The following LTN1 variants were observed in gnomAD, a reference collection of about 807,000 sequenced individuals.
The protein encoded by LTN1 is E3 ubiquitin-protein ligase listerin.
Under a neutral mutation model 201.2 loss-of-function variants are expected in LTN1, and 88 were observed. That is an observed-to-expected ratio of 0.44 (90% CI 0.37 to 0.52). LTN1 has a LOEUF of 0.52. Among genes scored for constraint, LTN1 ranks in the 20% least tolerant of loss-of-function variants. The pLI is 0.00. For synonymous variants in LTN1, 645 were observed against 713.5 expected (o/e 0.90, Z 1.53); for missense variants, 1,752 against 2,038.7 (o/e 0.86, Z 2.71).
chr21:28,971,786 T>C (rs2084577297), intron 6 of LTN1, among the ~76,000 whole-genome samples: 1 of 152,092 alleles, frequency 6.6e-6, no homozygotes, highest in South Asian at 2.1e-4. Flanking sequence ...AAATAAAAGA[T>C]CTGAGACTTT....
intron 24 of LTN1, among the ~76,000 whole-genome samples, chr21:28,942,138 G>C (rs1289702958): frequency 1.3e-5 from 2 of 151,920 alleles, no homozygotes; most frequent in Non-Finnish European, 2.9e-5. Flanking sequence ...CCTTCTCCCA[G>C]CCCACAAGTA....
Position 28,992,781 on chromosome 21 carries a change from T to C in LTN1, c.25A>G (p.Thr9Ala), listed in dbSNP as rs376952343. 1 of 1,614,224 alleles carries C rather than the reference T, an allele frequency of 6.2e-7. No individual in the cohort carries two copies. The highest frequency in any genetic ancestry group is 1.1e-5 in the South Asian group (1 of 91,090). ...CCGCTCACCCTCAGGTTCCCTTTAG[T>C]TCGCTGCTTGTTCTTCCCGCCCATG... The part of the protein sequence containing the change: MGGKNKQR[T>A]KGNLRPSNSG... The change falls in exon 1 of 30, where the codon ACT becomes GCT. Residue 9 changes from threonine to alanine, a missense_variant. Thr to Ala is a moderately conservative substitution (Grantham distance 58). Transcript: ENST00000361371.
chr21:28,940,745 G>A (rs1046520067), intron 25 of LTN1, among the ~76,000 whole-genome samples: 2 of 152,170 alleles, frequency 1.3e-5, no homozygotes, highest in African/African-American at 4.8e-5. Flanking sequence ...GGAAGGTAAG[G>A]TATAAGGGAC....
chr21:28,973,346 C>CAAAAAA (rs771261669), intron 6 of LTN1, among the ~76,000 whole-genome samples: 3 of 61,754 alleles, frequency 4.9e-5, no homozygotes, highest in East Asian at 4.7e-4. Context: ...GAATCCGTCC[C>CAAAAAA]AAAAAAAAAA....
chr21:28,937,770 G>A (rs898614337), intron 25 of LTN1, among the ~76,000 whole-genome samples: 5 of 152,044 alleles, frequency 3.3e-5, no homozygotes, highest in Non-Finnish European at 5.9e-5. Flanking sequence ...TCGGATCTGG[G>A]ATGCTCAACC....
intron 5 of LTN1, 121 bp from the exon 6 acceptor site, chr21:28,981,420 T>C: frequency 1.9e-6 from 1 of 533,396 alleles, no homozygotes; most frequent in Non-Finnish European, 3.1e-6. Context: ...ATTTCTATCT[T>C]CTATTTCCCC....
chr21:28,982,469 T>C (rs941222489), intron 4 of LTN1, 101 bp from the exon 5 acceptor site: 12 of 845,386 alleles, frequency 1.4e-5, no homozygotes, highest in African/African-American at 8.6e-5. Context: ...AAAATCCCCA[T>C]AAACATCATC....
chr21:28,976,851 G>A (rs1487458705), intron 6 of LTN1, among the ~76,000 whole-genome samples: 1 of 152,084 alleles, frequency 6.6e-6, no homozygotes, highest in Non-Finnish European at 1.5e-5. Flanking sequence ...CAATCTCCCA[G>A]GCCCAAGTGA....
chr21:28,948,127 G>T (rs2084354025), intron 18 of LTN1, among the ~76,000 whole-genome samples: 1 of 127,346 alleles, frequency 7.9e-6, no homozygotes, highest in African/African-American at 2.9e-5. Context: ...GGGAGGCAAA[G>T]GTTCCAGTAG....
intron 1 of LTN1, among the ~76,000 whole-genome samples, chr21:28,990,540 A>C (rs2084736572): frequency 6.6e-6 from 1 of 152,258 alleles, no homozygotes; most frequent in African/African-American, 2.4e-5. Context: ...CAGGACATTC[A>C]CAGTTTCAAA....
intron 16 of LTN1, among the ~76,000 whole-genome samples, chr21:28,954,530 G>A (rs73901126): frequency 0.024 from 3,669 of 152,126 alleles, 150 homozygotes; most frequent in African/African-American, 0.084. Context: ...AAATACAAAA[G>A]TATTCAAAAC....
chr21:28,971,494 A>C, intron 6 of LTN1, 50 bp from the exon 7 acceptor site: 1 of 1,547,482 alleles, frequency 6.5e-7, no homozygotes, highest in Non-Finnish European at 8.8e-7. Flanking sequence ...AAACTTGATA[A>C]GATTTTTAAT....
intron 6 of LTN1, among the ~76,000 whole-genome samples, chr21:28,972,132 T>C (rs1188173981): frequency 6.6e-6 from 1 of 152,098 alleles, no homozygotes; most frequent in East Asian, 1.9e-4. Context: ...TACAAAAGGG[T>C]ATGAGAGACC....
At chr21:28,964,299 C>G (rs948944770) in intron 11 of LTN1, among the ~76,000 whole-genome samples, 1 of 152,172 alleles carries the variant, frequency 6.6e-6, no homozygotes, top group African/African-American at 2.4e-5. Flanking sequence ...CACAGCCACT[C>G]CAGCCTTCAG....
intron 10 of LTN1, 64 bp downstream of exon 10, chr21:28,966,306 A>G: frequency 7.5e-7 from 1 of 1,333,400 alleles, no homozygotes. Flanking sequence ...CCAGAAAACA[A>G]TAAGCAGGCT....
chr21:28,935,794 CA>C (rs2084251342), intron 26 of LTN1, among the ~76,000 whole-genome samples: 2 of 147,500 alleles, frequency 1.4e-5, no homozygotes, highest in Non-Finnish European at 3.0e-5. Flanking sequence ...GAGCCGAGAT[CA>C]CGCCACTGCA....
rs772806923 is a variant in LTN1, at chr21:28,956,803, C to T, written c.3038G>A (p.Arg1013Lys). Reference sequence around the variant, plus strand: ...ATTATTTTCTAAGACTGTTTCCTTTCTCAGTGCAATTAAGACCATTTTGCT... The same window carrying T: ...ATTATTTTCTAAGACTGTTTCCTTTTTCAGTGCAATTAAGACCATTTTGCT... ...LLSKMVLIAL[R>K]KETVLENNEL... The change falls in exon 16 of 30, where the codon AGA becomes AAA. Residue 1013 changes from arginine (R) to lysine (K), a missense_variant. By Grantham distance (26) the Arg-to-Lys change is conservative. Coordinates refer to ENST00000361371, the MANE Select transcript of LTN1 (RefSeq NM_015565.3). 4 of 1,608,638 alleles carry T rather than the reference C, an allele frequency of 2.5e-6. No individual in the cohort carries two copies. Among genetic ancestry groups the T allele is most frequent in the Non-Finnish European group, 3.4e-6 (4 of 1,177,258 alleles).
chr21:28,959,376 T>A (rs2084454878), intron 13 of LTN1, 82 bp downstream of exon 13: 5 of 1,475,740 alleles, frequency 3.4e-6, no homozygotes, highest in Non-Finnish European at 4.6e-6. Flanking sequence ...ATAATTCAAT[T>A]AATAAAGCCT....
chr21:28,945,640 C>T (rs1260900310), intron 21 of LTN1, among the ~76,000 whole-genome samples, 167 bp downstream of exon 21: 1 of 152,170 alleles, frequency 6.6e-6, no homozygotes, highest in African/African-American at 2.4e-5. Flanking sequence ...TATCATTTTA[C>T]TATTCTGTCA....
Sources: allele counts gnomAD v4.1 joint callset (sites outside exome capture counted in the v4.1 genomes callset), GRCh38; gene constraint gnomAD v4.1.1; transcripts MANE v1.5; gene names NCBI Gene and HGNC (gene_info 2026-07-23, HGNC 2026-07-21).